The following RAB4B variants were observed in gnomAD, a reference collection of about 807,000 sequenced individuals.
RAB4B encodes RAB4B, member RAS oncogene family, also known as ras-related protein Rab-4B.
In RAB4B, 15 loss-of-function variants were observed where a neutral mutation model predicts 28.3. That is an observed-to-expected ratio of 0.53 (90% CI 0.35 to 0.82). The LOEUF (loss-of-function observed/expected upper bound fraction) is 0.82, where lower values mean the gene tolerates loss of function less well. Ranked by LOEUF, RAB4B falls within the 40% of genes least tolerant of loss-of-function variation. RAB4B has a pLI of 0.01. For missense variants in RAB4B, 244 were observed against 288.5 expected, an observed-to-expected ratio of 0.85 and a Z score of 1.12; for synonymous variants, 108 against 116.3, an observed-to-expected ratio of 0.93 and a Z score of 0.46.
Position 40,779,724 on chromosome 19 carries a change from C to T in RAB4B, c.17-295C>T, listed in dbSNP as rs114836528. 289 of 491,044 alleles carry T rather than the reference C, an allele frequency of 5.9e-4. 1 individual carries two copies. The highest frequency in any genetic ancestry group is 5.6e-3 in the African/African-American group (274 of 48,868). 30.4% of individuals were successfully genotyped at this position (491,044 alleles called of 1,614,324 possible). A position where few individuals can be genotyped will look rare whatever the true frequency, so the allele number is the denominator to read the frequency against. On this transcript the variant is annotated intron_variant, in intron 1 of 7. Coordinates refer to ENST00000357052, the MANE Select transcript of RAB4B (RefSeq NM_016154.5). ...CGCCATTGCACTCCAGCCTGGGCAACGAAAAGTGAAACTCTGTCTCAAAAA... is the reference window on the plus strand; with the variant it reads ...CGCCATTGCACTCCAGCCTGGGCAATGAAAAGTGAAACTCTGTCTCAAAAA...
chr19:40,796,364 CAA>C (rs926605439), intron 7 of RAB4B: 3 of 152,208 alleles, frequency 2.0e-5, no homozygotes, highest in African/African-American at 4.8e-5. Flanking sequence ...CTGAGGCAAA[CAA>C]AGAGGGAGAT....
rs145620655 is a variant in RAB4B at position 40,783,923 on chromosome 19, G to A, written c.278G>A (p.Arg93Gln). 1.7e-5 allele frequency: 27 copies of A among 1,608,042 alleles called. No individual in the cohort carries two copies. The Admixed American group carries it at 3.4e-4, about 20-fold the overall frequency. The part of the protein sequence containing the change: ...GALLVYDITS[R>Q]ETYNSLAAWL... ...CCTCCCTTCTCCCTTCTCCACAGCC[G>A]GGAGACATACAACTCACTGGCTGCC... Residue 93 changes from arginine to glutamine, a missense_variant and splice_region_variant, in exon 5 of 8, where the codon CGG becomes CAG. Transcript: ENST00000357052.
In RAB4B at chr19:40,780,512, G is replaced by C. The variant is rs1472148761; in HGVS notation, c.212+13G>C. On this transcript the variant is annotated intron_variant, in intron 3 of 7. Transcript: ENST00000357052. ...AGGAGCGGTTTCGGTAGGTGGGCTG[G>C]GCTCCCAAGGGTGATGGGGAGAGAG... The C allele has an allele frequency of 6.2e-7, 1 of 1,602,034 alleles. No homozygotes were observed. Among genetic ancestry groups the C allele is most frequent in the Admixed American group, 1.7e-5 (1 of 59,392 alleles).
chr19:40,786,245 C>T, intron 5 of RAB4B: 1 of 281,864 alleles, frequency 3.5e-6, no homozygotes. Flanking sequence ...TGGAATGGGG[C>T]AGGTCCAGGC....
chr19:40,784,113 G>A (rs1337569804), intron 5 of RAB4B, 38 bp downstream of exon 5: 1 of 1,575,590 alleles, frequency 6.3e-7, no homozygotes, highest in Non-Finnish European at 8.7e-7. Flanking sequence ...TGGTGGGGGT[G>A]GACAGTCCAC....
chr19:40,785,871 G>A (rs569762498), intron 5 of RAB4B: 6 of 156,896 alleles, frequency 3.8e-5, no homozygotes, highest in African/African-American at 1.4e-4. Context: ...GGAAGGTCAG[G>A]GCTTGATGGT....
intron 5 of RAB4B, chr19:40,785,626 C>G (rs1205948978): frequency 6.6e-6 from 1 of 152,234 alleles, no homozygotes; most frequent in South Asian, 2.1e-4. Flanking sequence ...TTTGCAACCT[C>G]CAGGTTTAAA....
rs1325642526 is a variant in RAB4B, at chr19:40,786,657, C to T, written c.431-8C>T. 5.6e-6 allele frequency: 9 copies of T among 1,613,850 alleles called. No homozygotes were observed. The highest frequency in any genetic ancestry group is 4.0e-5 in the African/African-American group (3 of 74,960). ...GGGGCCCTGACCTCAGAGTGTGTGC[C>T]CCTGCAGAGCTGATGTTCCTGGAGA... On this transcript the variant is annotated splice_polypyrimidine_tract_variant and splice_region_variant and intron_variant, in intron 5 of 7. Transcript: ENST00000357052.
chr19:40,794,505 T>A (rs1395132117), intron 7 of RAB4B: 1 of 151,404 alleles, frequency 6.6e-6, no homozygotes, highest in African/African-American at 2.4e-5. Context: ...GTGCTAGGAT[T>A]ATAGGTGTGA....
In RAB4B at chr19:40,783,826, G is replaced by A. The variant is rs1239278390; in HGVS notation, c.261G>A (p.Val87=). ...YYRGAAGALL[V]YDITSRETYN... The stretch of plus-strand genomic sequence containing the variant: ...GAGGGGCGGCTGGAGCCCTGCTGGT[G>A]TACGACATCACCAGGTGGGTGCCCG... The change falls in exon 4 of 8, where the codon GTG becomes GTA. Residue 87 remains valine, a synonymous_variant. Coordinates refer to ENST00000357052, the MANE Select transcript of RAB4B (RefSeq NM_016154.5). 8.0e-6 allele frequency: 11 copies of A among 1,368,384 alleles called. No individual in the cohort carries two copies. The highest frequency in any genetic ancestry group is 1.1e-5 in the Non-Finnish European group (11 of 1,012,598). The allele number at this position is 1,368,384 out of a possible 1,614,324, so 84.8% of individuals were successfully genotyped here. A position where few individuals can be genotyped will look rare whatever the true frequency, so the allele number is the denominator to read the frequency against.
At chr19:40,790,605 C>T (rs1030824115) in intron 7 of RAB4B, among the ~76,000 whole-genome samples, 2 of 150,636 alleles carry the variant, frequency 1.3e-5, no homozygotes, top group African/African-American at 4.9e-5. Flanking sequence ...GATCTCCTGA[C>T]CTCGTGATCC....
At chr19:40,781,411 G>C (rs548607074) in intron 3 of RAB4B, among the ~76,000 whole-genome samples, 1 of 152,184 alleles carries the variant, frequency 6.6e-6, no homozygotes, top group East Asian at 1.9e-4. Context: ...GAGTCAGACA[G>C]GTGTAGTTGG....
chr19:40,784,477 A>G (rs1222399355), intron 5 of RAB4B, among the ~76,000 whole-genome samples: 2 of 150,274 alleles, frequency 1.3e-5, no homozygotes, highest in Non-Finnish European at 3.0e-5. Context: ...TGGGAGACAG[A>G]GCAAGACACT....
In RAB4B at chr19:40,780,013, G is replaced by A. The variant is rs763740737; in HGVS notation, c.17-6G>A. 3.7e-6 allele frequency: 6 copies of A among 1,612,108 alleles called. No homozygotes were observed. In the South Asian group the frequency reaches 5.5e-5, roughly 15 times the overall value. On this transcript the variant is annotated splice_polypyrimidine_tract_variant and splice_region_variant and intron_variant, in intron 1 of 7. Transcript: ENST00000357052. Reference sequence around the variant, plus strand: ...GGTATCCCTGATTTTGGCTCCATCTGGTCAGACTTCCTCTTCAAATTCCTG... The same window carrying A: ...GGTATCCCTGATTTTGGCTCCATCTAGTCAGACTTCCTCTTCAAATTCCTG...
intron 5 of RAB4B, 52 bp downstream of exon 5, chr19:40,784,127 G>A (rs774290708): frequency 1.3e-6 from 2 of 1,533,594 alleles, no homozygotes; most frequent in Non-Finnish European, 8.8e-7. Flanking sequence ...AGTCCACAGG[G>A]ACCATGGGTT....
chr19:40,793,826 A>C (rs2083183169), intron 7 of RAB4B, among the ~76,000 whole-genome samples: 1 of 151,572 alleles, frequency 6.6e-6, no homozygotes, highest in Non-Finnish European at 1.5e-5. Context: ...CAGGGGGCTG[A>C]GGCAGAGGAA....
chr19:40,788,836 C>T (rs921814977), intron 7 of RAB4B, among the ~76,000 whole-genome samples: 1 of 137,270 alleles, frequency 7.3e-6, no homozygotes, highest in Non-Finnish European at 1.5e-5. Context: ...GTTGCCCAGG[C>T]TAGAGTGCAG....
chr19:40,793,595 T>TA (rs2083180390), intron 7 of RAB4B, among the ~76,000 whole-genome samples: 1 of 73,482 alleles, frequency 1.4e-5, no homozygotes, highest in Non-Finnish European at 3.6e-5. Flanking sequence ...TTTTTTTTTT[T>TA]AGATATGGTC....
chr19:40,778,919 G>T, intron 1 of RAB4B: 1 of 983,056 alleles, frequency 1.0e-6, no homozygotes. Flanking sequence ...GGAGAGGTCG[G>T]GAAGTGGAAA....
Sources: allele counts gnomAD v4.1 joint callset (sites outside exome capture counted in the v4.1 genomes callset), GRCh38; gene constraint gnomAD v4.1.1; transcripts MANE v1.5; gene names NCBI Gene and HGNC (gene_info 2026-07-23, HGNC 2026-07-21).